TBXAS1: variants seen among roughly 807,000 people sequenced by gnomAD.
The protein encoded by TBXAS1 is thromboxane-A synthase.
TBXAS1 carries 48 observed loss-of-function variants against 60.7 expected under a neutral mutation model. That is an observed-to-expected ratio of 0.79 (90% CI 0.63 to 1.01). The LOEUF (loss-of-function observed/expected upper bound fraction) is 1.01, where lower values mean the gene tolerates loss of function less well. Ranked by LOEUF, TBXAS1 falls within the 50% of genes least tolerant of loss-of-function variation. TBXAS1 has a pLI of 0.00. For synonymous variants in TBXAS1, 287 were observed against 269.7 expected (o/e 1.06, Z -0.63); for missense variants, 685 against 686.3 (o/e 1.00, Z 0.02).
chr7:139,794,760 C>T (rs1344623804), intron 4 of TBXAS1, among the ~76,000 whole-genome samples: 1 of 147,722 alleles, frequency 6.8e-6, no homozygotes, highest in South Asian at 2.1e-4. Flanking sequence ...TGAGAATATG[C>T]GGTGTTTGGT....
At chr7:139,859,733 C>A (rs1231413356) in intron 1 of TBXAS1, among the ~76,000 whole-genome samples, 3 of 152,188 alleles carry the variant, frequency 2.0e-5, no homozygotes, top group Admixed American at 6.5e-5. Context: ...ACTCAACTGG[C>A]TTTCTTGCCC....
intron 1 of TBXAS1, among the ~76,000 whole-genome samples, chr7:139,857,406 GAT>G (rs1800655869): frequency 6.6e-6 from 1 of 152,142 alleles, no homozygotes; most frequent in African/African-American, 2.4e-5. Flanking sequence ...ATGCTGCATG[GAT>G]ATATGTCATT....
chr7:140,009,051 C>T (rs1051672011), intron 10 of TBXAS1, among the ~76,000 whole-genome samples: 12 of 152,180 alleles, frequency 7.9e-5, no homozygotes, highest in Non-Finnish European at 1.2e-4. Context: ...AACTCAGCCA[C>T]GAATCCATCA....
chr7:139,925,459 A>G (rs1192746697), intron 4 of TBXAS1, among the ~76,000 whole-genome samples: 1 of 152,114 alleles, frequency 6.6e-6, no homozygotes, highest in African/African-American at 2.4e-5. Flanking sequence ...CACTGTTGGC[A>G]TATAGAAATG....
intron 5 of TBXAS1, among the ~76,000 whole-genome samples, chr7:139,949,119 G>A (rs944794625): frequency 1.3e-5 from 2 of 152,192 alleles, no homozygotes; most frequent in Admixed American, 6.5e-5. Context: ...TAGAAGACCC[G>A]ATGGTGGGCA....
intron 3 of TBXAS1, among the ~76,000 whole-genome samples, chr7:139,910,678 T>C (rs1004953305): frequency 5.3e-5 from 8 of 152,174 alleles, no homozygotes; most frequent in Non-Finnish European, 7.3e-5. Flanking sequence ...GTTGAGCTCC[T>C]TTATATATAG....
intron 5 of TBXAS1, among the ~76,000 whole-genome samples, chr7:139,949,954 G>A (rs1014626337): frequency 5.3e-5 from 8 of 151,808 alleles, no homozygotes; most frequent in Non-Finnish European, 8.8e-5. Flanking sequence ...ACAGACCAAT[G>A]AACTGAAGGG....
chr7:139,804,225 A>T (rs568074148), intron 4 of TBXAS1, among the ~76,000 whole-genome samples: 267 of 152,288 alleles, frequency 1.8e-3, no homozygotes, highest in Non-Finnish European at 2.5e-3. Context: ...GTAAAAGGAG[A>T]TCATTTTGTA....
chr7:139,965,314 A>C (rs1054361248), intron 9 of TBXAS1, among the ~76,000 whole-genome samples: 1 of 152,200 alleles, frequency 6.6e-6, no homozygotes, highest in South Asian at 2.1e-4. Flanking sequence ...AGCAGGTCAA[A>C]TTTTTGAGTT....
At chr7:139,976,708 G>A (rs1305106869) in intron 9 of TBXAS1, among the ~76,000 whole-genome samples, 1 of 152,142 alleles carries the variant, frequency 6.6e-6, no homozygotes, top group Non-Finnish European at 1.5e-5. Flanking sequence ...GATTTAGTGG[G>A]TCTGGAGTGA....
At position 140,013,203 on chromosome 7, in the gene TBXAS1, G is replaced by T. The variant is rs147668774; in HGVS notation, c.1227-2520G>T. Among the ~76,000 whole-genome samples the T allele has an allele frequency of 6.6e-6, 1 of 152,182 alleles. No homozygotes were observed. The highest frequency in any genetic ancestry group is 1.5e-5 in the Non-Finnish European group (1 of 68,028). ...CAGGTAAGACTGTTGTCTGGCAAGTGAACTGTTTGCTCACGCAAGCAAACC... is the reference window on the plus strand; with the variant it reads ...CAGGTAAGACTGTTGTCTGGCAAGTTAACTGTTTGCTCACGCAAGCAAACC... On this transcript the variant is annotated intron_variant, in intron 10 of 12. Transcript: ENST00000448866. The surrounding 1 kb of genome is among the most constrained non-coding windows in gnomAD (Gnocchi z 4.2).
At chr7:139,939,455 T>G (rs1808095071) in intron 5 of TBXAS1, among the ~76,000 whole-genome samples, 1 of 150,914 alleles carries the variant, frequency 6.6e-6, no homozygotes, top group Non-Finnish European at 1.5e-5. Context: ...TCAATAACCT[T>G]GAAATTCCCT....
At chr7:139,967,714 G>C (rs1810895983) in intron 9 of TBXAS1, among the ~76,000 whole-genome samples, 1 of 152,186 alleles carries the variant, frequency 6.6e-6, no homozygotes, top group Admixed American at 6.5e-5. Flanking sequence ...CTCTCGAGCG[G>C]AGGAGAGGTT....
At chr7:139,832,226 G>A (rs1798752082) in intron 1 of TBXAS1, among the ~76,000 whole-genome samples, 1 of 152,158 alleles carries the variant, frequency 6.6e-6, no homozygotes, top group Non-Finnish European at 1.5e-5. Flanking sequence ...CCCCCAATTT[G>A]AGTGGGAGAA....
chr7:140,015,488 A>G (rs1814953204), intron 10 of TBXAS1, among the ~76,000 whole-genome samples: 2 of 152,182 alleles, frequency 1.3e-5, no homozygotes, highest in African/African-American at 4.8e-5. Flanking sequence ...ATCAAGGACC[A>G]AGTGAGCCTA....
intron 4 of TBXAS1, among the ~76,000 whole-genome samples, chr7:139,820,413 C>A (rs914054850): frequency 1.3e-5 from 2 of 152,164 alleles, no homozygotes; most frequent in Admixed American, 1.3e-4. Flanking sequence ...TAGTTGACAA[C>A]CTCATTGCTC....
At chr7:139,836,487 C>G (rs1585588418) in intron 1 of TBXAS1, among the ~76,000 whole-genome samples, 1 of 152,142 alleles carries the variant, frequency 6.6e-6, no homozygotes, top group East Asian at 1.9e-4. Flanking sequence ...CCAATGGAAC[C>G]AAATAGAGAA....
intron 3 of TBXAS1, among the ~76,000 whole-genome samples, chr7:139,909,360 CACAGCTTTCATTAGATTCTCAAAAG>C (rs1185653544): frequency 1.3e-5 from 2 of 152,096 alleles, no homozygotes; most frequent in Admixed American, 1.3e-4. Flanking sequence ...GTTAAGTGTC[CACAGCTTTCATTAGATTCTCAAAAG>C]ACTCCATGAC....
chr7:139,855,298 G>C (rs1800506155), intron 1 of TBXAS1, among the ~76,000 whole-genome samples: 1 of 152,100 alleles, frequency 6.6e-6, no homozygotes, highest in Non-Finnish European at 1.5e-5. Flanking sequence ...TTTAAAGATG[G>C]CTGTGTAGCT....
Sources: gnomAD v4.1 joint callset for allele counts (sites outside exome capture counted in the v4.1 genomes callset) on GRCh38, gnomAD v4.1.1 for gene constraint, Gnocchi (gnomAD v3.1) non-coding constraint, MANE v1.5 for transcripts, NCBI Gene and HGNC (gene_info 2026-07-23, HGNC 2026-07-21) for gene names.